The following SLC22A16 variants were observed in gnomAD, a reference collection of about 807,000 sequenced individuals.
The protein encoded by SLC22A16 is solute carrier family 22 member 16.
A neutral mutation model predicts 52.9 loss-of-function variants in SLC22A16; 53 were observed. The ratio of observed to expected loss-of-function variants is 1.00; its 90% CI spans 0.80 to 1.26. The LOEUF is 1.26. Ranked by LOEUF, SLC22A16 falls within the 50% of genes most tolerant of loss-of-function variation. The probability of loss-of-function intolerance (pLI) is 0.00; values close to 1 mark genes in which losing one functional copy is unlikely to be tolerated. For missense variants in SLC22A16, 726 were observed against 704.0 expected, an observed-to-expected ratio of 1.03 and a Z score of -0.35; for synonymous variants, 291 against 268.8, an observed-to-expected ratio of 1.08 and a Z score of -0.81.
rs535375373 is a variant in SLC22A16, at chr6:110,446,898, A to T, written c.626T>A (p.Met209Lys). 4.0e-5 allele frequency: 65 copies of T among 1,613,644 alleles called. No individual in the cohort carries two copies. In the East Asian group the frequency reaches 1.2e-3, roughly 30 times the overall value. The change falls in exon 3 of 8, where the codon ATG becomes AAG. Residue 209 changes from methionine (M) to lysine (K), a missense_variant. Coordinates refer to ENST00000368919, the MANE Select transcript of SLC22A16 (RefSeq NM_033125.4). ...AAFAVDYYTF[M>K]AARFFLAMVA... ...CATGGCAAGAAAAAAGCGAGCAGCC[A>T]TGAAGGTGTAATAATCAACTGCAAA...
intron 2 of SLC22A16, among the ~76,000 whole-genome samples, chr6:110,448,754 G>A (rs947798345): frequency 2.0e-5 from 3 of 152,158 alleles, no homozygotes; most frequent in African/African-American, 7.2e-5. Context: ...CCATCAAAGA[G>A]GAAGACCCAC....
chr6:110,456,371 T>A, intron 2 of SLC22A16, 167 bp downstream of exon 2: 2 of 904,696 alleles, frequency 2.2e-6, no homozygotes, highest in Non-Finnish European at 1.7e-6. Flanking sequence ...CTTCAGAGCC[T>A]ATCCTTATCA....
At chr6:110,430,221 A>C (rs990389247) in intron 7 of SLC22A16, among the ~76,000 whole-genome samples, 1 of 151,956 alleles carries the variant, frequency 6.6e-6, no homozygotes, top group Non-Finnish European at 1.5e-5. Context: ...CAGGATGAAT[A>C]AGAAGCCGAT....
intron 2 of SLC22A16, among the ~76,000 whole-genome samples, chr6:110,449,386 G>C (rs1188552392): frequency 1.3e-5 from 2 of 151,788 alleles, no homozygotes; most frequent in African/African-American, 4.8e-5. Flanking sequence ...CCTAAGTATG[G>C]GCTATTAACT....
chr6:110,474,807 G>A (rs1171787757), intron 1 of SLC22A16: 2 of 425,680 alleles, frequency 4.7e-6, no homozygotes, highest in Non-Finnish European at 9.4e-6. Flanking sequence ...GCAGTTACTG[G>A]AGAGGCATAA....
chr6:110,449,479 GTATT>G (rs1775294037), intron 2 of SLC22A16, among the ~76,000 whole-genome samples: 1 of 151,990 alleles, frequency 6.6e-6, no homozygotes, highest in Admixed American at 6.6e-5. Context: ...GTTGTAATTG[GTATT>G]AACTTTGAAC....
intron 2 of SLC22A16, among the ~76,000 whole-genome samples, chr6:110,452,637 A>G (rs1434617282): frequency 6.6e-6 from 1 of 152,180 alleles, no homozygotes; most frequent in African/African-American, 2.4e-5. Context: ...GAGTTTGAGA[A>G]CAGCCTGGGC....
chr6:110,459,067 A>T (rs1775773215), intron 1 of SLC22A16, among the ~76,000 whole-genome samples: 1 of 152,142 alleles, frequency 6.6e-6, no homozygotes, highest in South Asian at 2.1e-4. Context: ...AATACAATAC[A>T]CCATACTCAT....
In SLC22A16 at chr6:110,439,265, T is replaced by G. The variant is rs569626306; in HGVS notation, c.1184-418A>C. 5.9e-5 allele frequency among the ~76,000 whole-genome samples: 9 copies of G among 152,302 alleles called. 1 individual carries two copies. The highest frequency in any genetic ancestry group is 1.9e-4 in the African/African-American group (8 of 41,558). On this transcript the variant is annotated intron_variant, in intron 4 of 7. Coordinates refer to ENST00000368919, the MANE Select transcript of SLC22A16 (RefSeq NM_033125.4). Reference sequence around the variant, plus strand: ...CATGTGTGTTTGTCTTTGGAAACATTTTTGTATTTATGAGATTGCCCAGTT... The same window carrying G: ...CATGTGTGTTTGTCTTTGGAAACATGTTTGTATTTATGAGATTGCCCAGTT...
intron 3 of SLC22A16, among the ~76,000 whole-genome samples, chr6:110,443,115 C>T (rs1775040965): frequency 6.6e-6 from 1 of 152,050 alleles, no homozygotes; most frequent in Middle Eastern, 3.2e-3. Flanking sequence ...TATCTGTATC[C>T]AGGAGGTCCT....
intron 4 of SLC22A16, among the ~76,000 whole-genome samples, chr6:110,439,685 A>G (rs1774888209): frequency 6.6e-6 from 1 of 152,204 alleles, no homozygotes; most frequent in Non-Finnish European, 1.5e-5. Flanking sequence ...TGAGGATAAT[A>G]TAAAATACAG....
intron 2 of SLC22A16, among the ~76,000 whole-genome samples, chr6:110,454,622 ATATATATTTATATAT>A (rs1775521010): frequency 2.2e-5 from 1 of 45,106 alleles, no homozygotes; most frequent in African/African-American, 1.6e-4. Context: ...TTTATATATA[ATATATATTTATATAT>A]ATTATATATT....
In SLC22A16 at chr6:110,456,824, T is replaced by C. The variant is rs768739918; in HGVS notation, c.247A>G (p.Lys83Glu). ...DTGALLSSGQKDYVTVQLQNG... is the reference protein window; with the variant it reads ...DTGALLSSGQEDYVTVQLQNG... The stretch of plus-strand genomic sequence containing the variant: ...TGCAACTGCACCGTAACATAATCTT[T>C]CTGGCCTGAAGACAACAGGGCCCCG... Residue 83 changes from lysine (K) to glutamate (E), a missense_variant, in exon 2 of 8, where the codon AAA becomes GAA. Transcript: ENST00000368919. 1 of 1,614,062 alleles carries C rather than the reference T, an allele frequency of 6.2e-7. No homozygotes were observed.
chr6:110,468,279 T>C (rs935405252), intron 1 of SLC22A16, among the ~76,000 whole-genome samples: 1 of 152,186 alleles, frequency 6.6e-6, no homozygotes, highest in Non-Finnish European at 1.5e-5. Context: ...GGAGCCCCAG[T>C]GCTTGATGGG....
intron 2 of SLC22A16, chr6:110,455,753 G>A (rs1775625217): frequency 6.6e-6 from 1 of 152,158 alleles, no homozygotes; most frequent in Admixed American, 6.5e-5. Flanking sequence ...GGATGGCCTT[G>A]GGAGGTGATA....
At chr6:110,464,214 T>G (rs2115013399) in intron 1 of SLC22A16, among the ~76,000 whole-genome samples, 1 of 152,068 alleles carries the variant, frequency 6.6e-6, no homozygotes. Context: ...TAACAACCAT[T>G]AATGCCACAC....
intron 2 of SLC22A16, 66 bp from the exon 3 acceptor site, chr6:110,447,056 C>A: frequency 2.4e-6 from 3 of 1,275,768 alleles, no homozygotes; most frequent in Non-Finnish European, 3.4e-6. Flanking sequence ...ACATCCACTC[C>A]AATTCATAAA....
chr6:110,456,424 T>C (rs1775655626), intron 2 of SLC22A16, 114 bp downstream of exon 2: 1 of 1,282,122 alleles, frequency 7.8e-7, no homozygotes, highest in Admixed American at 2.2e-5. Flanking sequence ...GGTAGGTATT[T>C]AGATAGGAAG....
intron 1 of SLC22A16, chr6:110,476,030 C>G (rs1776457918): frequency 2.2e-6 from 1 of 455,362 alleles, no homozygotes; most frequent in Non-Finnish European, 4.4e-6. Flanking sequence ...TTTTAATAAA[C>G]GGCAACCAAC....
Sources: gnomAD v4.1 joint callset for allele counts (sites outside exome capture counted in the v4.1 genomes callset) on GRCh38, gnomAD v4.1.1 for gene constraint, MANE v1.5 for transcripts, NCBI Gene and HGNC (gene_info 2026-07-23, HGNC 2026-07-21) for gene names.